Variants in SLC37A3 observed in about 807,000 individuals in gnomAD.
SLC37A3 encodes the protein solute carrier family 37 member 3.
In SLC37A3, 51 loss-of-function variants were observed where a neutral mutation model predicts 67.1. That is an observed-to-expected ratio of 0.76 (90% CI 0.61 to 0.96). SLC37A3 has a LOEUF of 0.96. SLC37A3 is among the 40% of genes least tolerant of loss of function. The pLI is 0.00. For missense variants in SLC37A3, 508 were observed against 603.0 expected, an observed-to-expected ratio of 0.84 and a Z score of 1.65; for synonymous variants, 214 against 231.4, an observed-to-expected ratio of 0.92 and a Z score of 0.68.
At chr7:140,339,274 T>TC (rs1268989933) in intron 13 of SLC37A3, among the ~76,000 whole-genome samples, 1 of 150,254 alleles carries the variant, frequency 6.7e-6, no homozygotes. Context: ...GTTTTTTTTT[T>TC]TTTTTTGAGA....
intron 13 of SLC37A3, among the ~76,000 whole-genome samples, chr7:140,342,148 C>T (rs1312342244): frequency 1.3e-5 from 2 of 152,192 alleles, no homozygotes; most frequent in South Asian, 4.1e-4. Flanking sequence ...GAGAGACAGA[C>T]ATTAACAAGT....
intron 14 of SLC37A3, 104 bp downstream of exon 14, chr7:140,337,180 C>G: frequency 1.5e-6 from 1 of 672,412 alleles, no homozygotes; most frequent in Non-Finnish European, 2.3e-6. Flanking sequence ...CACAAAGGAG[C>G]CTTTAAAAGC....
chr7:140,362,576 C>T (rs1344695018), intron 5 of SLC37A3, among the ~76,000 whole-genome samples: 32 of 107,868 alleles, frequency 3.0e-4, no homozygotes, highest in African/African-American at 1.0e-3. Context: ...CCCGGCCAGC[C>T]GCCCCGTCCG....
intron 13 of SLC37A3, chr7:140,337,767 TC>T (rs1266449143): frequency 6.4e-6 from 1 of 155,234 alleles, no homozygotes; most frequent in Non-Finnish European, 1.4e-5. Context: ...TACCTTTGCA[TC>T]CTACAGCATA....
chr7:140,356,195 C>CAAAAAA (rs60174653), intron 6 of SLC37A3, among the ~76,000 whole-genome samples: 2 of 135,074 alleles, frequency 1.5e-5, no homozygotes, highest in African/African-American at 5.7e-5. Flanking sequence ...CTCCACCTCC[C>CAAAAAA]AAAAAAAAAA....
Position 140,335,553 on chromosome 7 carries a change from T to TA in SLC37A3, c.1393-50dup, listed in dbSNP as rs1796101603. On this transcript the variant is annotated intron_variant, in intron 14 of 14. Transcript: ENST00000326232. ...ATATGCAGCAACAGTTTACTTCTGT[T>TA]AGAGTGTCATGTTTTGAACATAATA... 10 of 1,591,814 alleles carry TA rather than the reference T, an allele frequency of 6.3e-6. No individual in the cohort carries two copies. The East Asian group carries it at 2.0e-4, about 32-fold the overall frequency.
rs1187500167 is a variant in SLC37A3 at position 140,375,153 on chromosome 7, C to CA, written c.198+5128dup. 2.9e-3 allele frequency among the ~76,000 whole-genome samples: 227 copies of CA among 79,424 alleles called. 1 individual carries two copies. Among genetic ancestry groups the CA allele is most frequent in the East Asian group, 6.5e-3 (16 of 2,476 alleles). The allele number at this position is 79,424 out of a possible 152,430, so 52.1% of individuals were successfully genotyped here. Reference sequence around the variant, plus strand: ...TGGGTGACAGAGCAAGATTCCGCCTCAAAAAAAAAACAAAAAACAACAAAA... The same window carrying CA: ...TGGGTGACAGAGCAAGATTCCGCCTCAAAAAAAAAAACAAAAAACAACAAAA... On this transcript the variant is annotated intron_variant, in intron 3 of 14. Coordinates refer to ENST00000326232, the MANE Select transcript of SLC37A3 (RefSeq NM_207113.3).
intron 3 of SLC37A3, among the ~76,000 whole-genome samples, chr7:140,375,375 TGA>T (rs1026449725): frequency 6.6e-6 from 1 of 150,684 alleles, no homozygotes; most frequent in African/African-American, 2.4e-5. Context: ...CTCCGTAGGC[TGA>T]GACAGGAGAA....
chr7:140,340,103 T>G (rs539486989), intron 13 of SLC37A3, among the ~76,000 whole-genome samples: 1 of 152,182 alleles, frequency 6.6e-6, no homozygotes, highest in Non-Finnish European at 1.5e-5. Context: ...TGTTTTTGAT[T>G]TGCATTTTCC....
chr7:140,369,524 TA>T, intron 4 of SLC37A3, 65 bp downstream of exon 4: 1 of 1,336,808 alleles, frequency 7.5e-7, no homozygotes, highest in Non-Finnish European at 1.0e-6. Flanking sequence ...ACAAATTTTG[TA>T]AGGCTCAGGG....
At chr7:140,365,283 T>C (rs1047084597) in intron 4 of SLC37A3, among the ~76,000 whole-genome samples, 3 of 152,204 alleles carry the variant, frequency 2.0e-5, no homozygotes, top group Non-Finnish European at 4.4e-5. Context: ...GGACCAGGTG[T>C]TTCTAATAAA....
intron 12 of SLC37A3, 30 bp downstream of exon 12, chr7:140,345,186 A>C: frequency 6.3e-7 from 1 of 1,597,624 alleles, no homozygotes; most frequent in African/African-American, 1.3e-5. Context: ...GAGCAACAGA[A>C]GCATGGTGGA....
intron 6 of SLC37A3, among the ~76,000 whole-genome samples, chr7:140,356,172 C>G (rs1199498143): frequency 2.1e-5 from 3 of 140,842 alleles, no homozygotes; most frequent in Non-Finnish European, 3.1e-5. Context: ...CCAGCCTTGA[C>G]AACAAAGCGA....
intron 5 of SLC37A3, 64 bp downstream of exon 5, chr7:140,364,344 A>G: frequency 7.1e-7 from 1 of 1,406,744 alleles, no homozygotes. Context: ...ACAGAGAAGT[A>G]GGGAGATTAC....
In SLC37A3 at chr7:140,346,052, T is replaced by C. The variant is rs1242583973; in HGVS notation, c.1025-82A>G. The C allele has an allele frequency of 7.1e-6, 7 of 982,872 alleles. No homozygotes were observed. In the Admixed American group the frequency reaches 1.2e-4, roughly 17 times the overall value. The allele number at this position is 982,872 out of a possible 1,614,324, so 60.9% of individuals were successfully genotyped here. On this transcript the variant is annotated intron_variant, in intron 10 of 14. Coordinates refer to ENST00000326232, the MANE Select transcript of SLC37A3 (RefSeq NM_207113.3). ...GGCGTGCTCCCCATTTGCCCTCTAG[T>C]CTCACTAGCAGCAGCCTGACACTAG...
intron 3 of SLC37A3, among the ~76,000 whole-genome samples, chr7:140,371,275 A>C (rs1388198093): frequency 6.6e-6 from 1 of 152,190 alleles, no homozygotes; most frequent in Non-Finnish European, 1.5e-5. Context: ...TCCTGGGTGC[A>C]AGTGATTCTC....
intron 3 of SLC37A3, among the ~76,000 whole-genome samples, chr7:140,375,102 C>T (rs1398273574): frequency 2.7e-5 from 4 of 149,442 alleles, no homozygotes; most frequent in Non-Finnish European, 4.4e-5. Context: ...TGCAATGGGC[C>T]GAGATTGTGC....
intron 4 of SLC37A3, among the ~76,000 whole-genome samples, chr7:140,368,277 C>T (rs1797684788): frequency 6.6e-6 from 1 of 152,188 alleles, no homozygotes; most frequent in South Asian, 2.1e-4. Flanking sequence ...CATCTAAAGG[C>T]CAAGGACTCC....
chr7:140,338,483 T>C (rs1354245260), intron 13 of SLC37A3, among the ~76,000 whole-genome samples: 1 of 152,104 alleles, frequency 6.6e-6, no homozygotes, highest in Admixed American at 6.5e-5. Flanking sequence ...TCACTCCTTT[T>C]TTTTTGGAGA....
Sources: gnomAD v4.1 joint callset for allele counts (sites outside exome capture counted in the v4.1 genomes callset) on GRCh38, gnomAD v4.1.1 for gene constraint, MANE v1.5 for transcripts, NCBI Gene and HGNC (gene_info 2026-07-23, HGNC 2026-07-21) for gene names.